The following PTPN5 variants were observed in gnomAD, a reference collection of about 807,000 sequenced individuals.
PTPN5 encodes the protein protein tyrosine phosphatase non-receptor type 5.
A neutral mutation model predicts 73.9 loss-of-function variants in PTPN5; 29 were observed. That is an observed-to-expected ratio of 0.39 (90% CI 0.29 to 0.54). The LOEUF (loss-of-function observed/expected upper bound fraction) is 0.54. PTPN5 is among the 20% of genes least tolerant of loss of function. The pLI is 0.65. For missense variants in PTPN5, 652 were observed against 751.4 expected (o/e 0.87, Z 1.55); for synonymous variants, 267 against 304.7 (o/e 0.88, Z 1.29).
chr11:18,788,544 C>T (rs917674940), intron 1 of PTPN5, among the ~76,000 whole-genome samples: 9 of 152,200 alleles, frequency 5.9e-5, no homozygotes, highest in Non-Finnish European at 7.3e-5. Context: ...TTCCACTCCT[C>T]GAAATAGTTT....
In PTPN5 at chr11:18,728,947, T is replaced by G; in HGVS notation, c.1685A>C (p.Gln562Pro). The G allele has an allele frequency of 4.3e-6, 7 of 1,613,376 alleles. No homozygotes were observed. The highest frequency in any genetic ancestry group is 5.9e-6 in the Non-Finnish European group (7 of 1,179,716). ...GGAGAAGCGCAGTCATTCTGGGGAC[T>G]GGTGGGACAGCTGCTTTTCGTAGAG... Reference protein sequence around the residue: ...MSLYEKQLSHQSPE With the variant: ...MSLYEKQLSHPSPE The change falls in exon 15 of 15, where the codon CAG (glutamine) becomes CCG (proline). Residue 562 changes from glutamine to proline, a missense_variant. By Grantham distance (76) the Gln-to-Pro change is moderately conservative. Coordinates refer to ENST00000358540, the MANE Select transcript of PTPN5 (RefSeq NM_006906.2). This position sits in a 1 kb window ranked among gnomAD's most constrained non-coding sequence, Gnocchi z 4.1.
rs1259919874 is a variant in PTPN5, at chr11:18,764,801, CCTCT to C, written c.97+1002_97+1005del. Among the ~76,000 whole-genome samples, 17 of 152,234 alleles carry C rather than the reference CCTCT, an allele frequency of 1.1e-4. No individual in the cohort carries two copies. In the East Asian group the frequency reaches 2.9e-3, roughly 26 times the overall value. On this transcript the variant is annotated intron_variant, in intron 3 of 14. Transcript: ENST00000358540. ...GATCTCGGCTCACTGCAAGCTCTGC[CCTCT>C]GGGTTCACGCCATCCTCCTGCCTCA... is the stretch of plus-strand genomic sequence containing the variant.
In PTPN5 at chr11:18,729,051, G is replaced by T. The variant is rs1213443258; in HGVS notation, c.1605-24C>A. On this transcript the variant is annotated intron_variant, in intron 14 of 14. Transcript: ENST00000358540. This position sits in a 1 kb window ranked among gnomAD's most constrained non-coding sequence, Gnocchi z 5.2. ...CCCTGCCCGGCAGAGATGCACAGTGGGGGCAGGGTCGTGGAGGGATGGGCT... is the reference window on the plus strand; with the variant it reads ...CCCTGCCCGGCAGAGATGCACAGTGTGGGCAGGGTCGTGGAGGGATGGGCT... 2 of 1,611,502 alleles carry T rather than the reference G, an allele frequency of 1.2e-6. No homozygotes were observed. Among genetic ancestry groups the T allele is most frequent in the Non-Finnish European group, 1.7e-6 (2 of 1,179,180 alleles).
At chr11:18,737,092 G>A (rs972598260) in intron 9 of PTPN5, among the ~76,000 whole-genome samples, 13 of 152,348 alleles carry the variant, frequency 8.5e-5, no homozygotes, top group Middle Eastern at 6.8e-3. Context: ...AAACTGAATG[G>A]AGTAGGTTTA....
chr11:18,778,431 G>A (rs1851270837), intron 1 of PTPN5, among the ~76,000 whole-genome samples: 1 of 152,162 alleles, frequency 6.6e-6, no homozygotes, highest in Non-Finnish European at 1.5e-5. Context: ...TTCTCCCTCT[G>A]TGACACAGTT....
In PTPN5 at chr11:18,790,318, TAGA is replaced by T. The variant is rs1851858719; in HGVS notation, c.-114+1204_-114+1206del. Among the ~76,000 whole-genome samples, 4 of 151,734 alleles carry T rather than the reference TAGA, an allele frequency of 2.6e-5. No individual in the cohort carries two copies. In the South Asian group the frequency reaches 8.4e-4, roughly 32 times the overall value. On this transcript the variant is annotated intron_variant, in intron 1 of 14. Coordinates refer to ENST00000358540, the MANE Select transcript of PTPN5 (RefSeq NM_006906.2). ...GATGACTACAGGGGCCTGGTTGGAG[TAGA>T]AGATCTGGCCCTCAAGCGGGAGGGA... is the stretch of plus-strand genomic sequence containing the variant.
chr11:18,748,105 G>A (rs1849720385), intron 3 of PTPN5, among the ~76,000 whole-genome samples: 2 of 152,078 alleles, frequency 1.3e-5, no homozygotes, highest in African/African-American at 4.8e-5. Flanking sequence ...AAAGATCAAA[G>A]TTCAGAGTTG....
intron 3 of PTPN5, among the ~76,000 whole-genome samples, chr11:18,744,552 G>GAA (rs35776405): frequency 1.7e-4 from 25 of 147,150 alleles, no homozygotes; most frequent in East Asian, 1.2e-3. Context: ...GCAGCAGCAG[G>GAA]AAAAAAAAAA....
At chr11:18,761,459 G>C (rs1026691979) in intron 3 of PTPN5, among the ~76,000 whole-genome samples, 1 of 152,148 alleles carries the variant, frequency 6.6e-6, no homozygotes, top group Non-Finnish European at 1.5e-5. Flanking sequence ...ATGTACCAAA[G>C]TGTTTGGGTG....
chr11:18,757,015 C>CAT (rs1554920360), intron 3 of PTPN5, among the ~76,000 whole-genome samples: 5 of 152,082 alleles, frequency 3.3e-5, no homozygotes. Context: ...ACATCATTTT[C>CAT]ATATGTGTGT....
At chr11:18,756,768 A>G (rs1178241690) in intron 3 of PTPN5, among the ~76,000 whole-genome samples, 2 of 151,998 alleles carry the variant, frequency 1.3e-5, no homozygotes, top group African/African-American at 4.8e-5. Context: ...TAAAAATAAA[A>G]AAAAAATTAG....
intron 3 of PTPN5, among the ~76,000 whole-genome samples, chr11:18,751,881 C>T (rs1177658186): frequency 6.6e-6 from 1 of 152,100 alleles, no homozygotes; most frequent in East Asian, 1.9e-4. Context: ...GGCTGATTGC[C>T]CTGATGGAGT....
At chr11:18,781,854 C>G (rs948050328) in intron 1 of PTPN5, among the ~76,000 whole-genome samples, 6 of 152,044 alleles carry the variant, frequency 3.9e-5, no homozygotes, top group African/African-American at 1.2e-4. Flanking sequence ...TGGGAGCACT[C>G]AGGAGGGCAC....
intron 8 of PTPN5, among the ~76,000 whole-genome samples, chr11:18,739,792 G>A (rs1335955929): frequency 6.6e-6 from 1 of 152,206 alleles, no homozygotes; most frequent in Non-Finnish European, 1.5e-5. Flanking sequence ...GAATTTGGTT[G>A]AGGAATGGAG....
At chr11:18,738,048 A>T (rs747492112) in intron 8 of PTPN5, 84 bp from the exon 9 acceptor site, 42 of 1,124,236 alleles carry the variant, frequency 3.7e-5, no homozygotes, top group Admixed American at 7.0e-5. Flanking sequence ...CCCAACTCCT[A>T]GCCCAGGGGC....
In PTPN5 at chr11:18,737,959, G is replaced by A. The variant is rs1445355817; in HGVS notation, c.921C>T (p.Ile307=). The A allele has an allele frequency of 6.2e-7, 1 of 1,613,974 alleles. No individual in the cohort carries two copies. Among genetic ancestry groups the A allele is most frequent in the Non-Finnish European group, 8.5e-7 (1 of 1,179,924 alleles). Residue 307 remains isoleucine, a synonymous_variant, in exon 9 of 15, where the codon ATC becomes ATT. Coordinates refer to ENST00000358540, the MANE Select transcript of PTPN5 (RefSeq NM_006906.2). The part of the protein sequence containing the change: ...PFLLQAEFFE[I]PMNFVDPKEY... ...CTTTCGGATCCACAAAGTTCATGGG[G>A]ATTTCCTGTGGAAGGAGGACACGGG...
intron 3 of PTPN5, among the ~76,000 whole-genome samples, chr11:18,751,917 G>T (rs1178032049): frequency 6.6e-6 from 1 of 152,160 alleles, no homozygotes; most frequent in East Asian, 1.9e-4. Context: ...GATGTTATAC[G>T]ACTGTAAGGC....
intron 1 of PTPN5, among the ~76,000 whole-genome samples, chr11:18,783,349 A>G (rs554874439): frequency 7.2e-5 from 11 of 152,210 alleles, no homozygotes; most frequent in Non-Finnish European, 1.3e-4. Context: ...TACTGCTGCT[A>G]CTATAGGAAA....
chr11:18,730,041 G>T (rs573808755), intron 12 of PTPN5: 2 of 602,916 alleles, frequency 3.3e-6, no homozygotes, highest in East Asian at 2.8e-5. Context: ...CATGGATCTT[G>T]CCTTTGGTCC....
Sources: gnomAD v4.1 joint callset for allele counts (sites outside exome capture counted in the v4.1 genomes callset) on GRCh38, gnomAD v4.1.1 for gene constraint, Gnocchi (gnomAD v3.1) non-coding constraint, MANE v1.5 for transcripts, NCBI Gene and HGNC (gene_info 2026-07-23, HGNC 2026-07-21) for gene names.